The following PALM2AKAP2 variants were observed in gnomAD, a reference collection of about 807,000 sequenced individuals.
PALM2AKAP2 encodes the protein PALM2 and AKAP2 fusion, also known as PALM2-AKAP2 fusion protein.
A neutral mutation model predicts 71.5 loss-of-function variants in PALM2AKAP2; 37 were observed. The observed-to-expected ratio is 0.52, with a 90% confidence interval of 0.40 to 0.68. The LOEUF (loss-of-function observed/expected upper bound fraction) is 0.68, where lower values mean the gene tolerates loss of function less well. PALM2AKAP2 is among the 30% of genes least tolerant of loss of function. The probability of loss-of-function intolerance (pLI) is 0.00; values close to 1 mark genes in which losing one functional copy is unlikely to be tolerated. For missense variants in PALM2AKAP2, 1,224 were observed against 1,191.8 expected (o/e 1.03, Z -0.40); for synonymous variants, 468 against 478.8 (o/e 0.98, Z 0.29).
intron 1 of PALM2AKAP2, among the ~76,000 whole-genome samples, chr9:109,706,797 C>T (rs906630745): frequency 6.6e-6 from 1 of 152,162 alleles, no homozygotes; most frequent in Non-Finnish European, 1.5e-5. Flanking sequence ...ATGAAAGAAG[C>T]AAGTCACAAA....
intron 1 of PALM2AKAP2, among the ~76,000 whole-genome samples, chr9:109,664,892 T>C (rs1400451496): frequency 1.3e-5 from 2 of 152,232 alleles, no homozygotes; most frequent in Admixed American, 1.3e-4. Flanking sequence ...TGTTCCTTTT[T>C]GCTCTTTTTT....
chr9:110,145,778 A>G (rs1265080869), intron 2 of PALM2AKAP2, among the ~76,000 whole-genome samples: 1 of 119,152 alleles, frequency 8.4e-6, no homozygotes, highest in Non-Finnish European at 1.9e-5. Context: ...GAAGGTGTGC[A>G]ATGAAATCAG....
rs560007889 is a variant in PALM2AKAP2, at chr9:109,800,263, G to A, written c.45+19730G>A. On this transcript the variant is annotated intron_variant, in intron 1 of 9. Transcript: ENST00000302798. Reference sequence around the variant, plus strand: ...ATTTTAGGGCCAAAGAACTAATATTGTAAGAGCTTCTGTGATTAGGTACTT... The same window carrying A: ...ATTTTAGGGCCAAAGAACTAATATTATAAGAGCTTCTGTGATTAGGTACTT... 1.5e-3 allele frequency among the ~76,000 whole-genome samples: 228 copies of A among 152,336 alleles called. 1 individual carries two copies. The highest frequency in any genetic ancestry group is 5.0e-3 in the African/African-American group (207 of 41,576).
chr9:110,122,273 T>C (rs1280894627), intron 1 of PALM2AKAP2, among the ~76,000 whole-genome samples: 1 of 152,178 alleles, frequency 6.6e-6, no homozygotes. Flanking sequence ...AGTGATCGAT[T>C]CTCCCGCTTC....
chr9:109,728,944 T>C (rs1044582553), intron 1 of PALM2AKAP2, among the ~76,000 whole-genome samples: 5 of 152,210 alleles, frequency 3.3e-5, no homozygotes, highest in Non-Finnish European at 7.3e-5. Context: ...CTTTTTGACC[T>C]TTGAATAATA....
chr9:109,691,174 TACAC>T (rs56966509), intron 1 of PALM2AKAP2, among the ~76,000 whole-genome samples: 12,049 of 147,514 alleles, frequency 0.082, 1,174 homozygotes, highest in African/African-American at 0.24. Flanking sequence ...CTTTGAATTT[TACAC>T]ACACACACAC....
intron 6 of PALM2AKAP2, among the ~76,000 whole-genome samples, chr9:110,003,676 AG>A (rs1445353598): frequency 1.3e-5 from 2 of 152,172 alleles, no homozygotes; most frequent in Non-Finnish European, 1.5e-5. Flanking sequence ...GTCTCTTTAT[AG>A]GTCTCTAAGG....
intron 2 of PALM2AKAP2, among the ~76,000 whole-genome samples, chr9:109,870,861 A>G (rs974307569): frequency 9.2e-5 from 14 of 152,220 alleles, no homozygotes; most frequent in African/African-American, 3.1e-4. Flanking sequence ...TGAAGTAGAG[A>G]ATATTAGGAA....
At chr9:109,924,965 A>G (rs890076267) in intron 4 of PALM2AKAP2, 96 bp from the exon 5 acceptor site, 2 of 1,573,264 alleles carry the variant, frequency 1.3e-6, no homozygotes, top group Admixed American at 1.7e-5. Flanking sequence ...GGGCTGGGGC[A>G]TGGGAGAAAG....
At position 109,910,193 on chromosome 9, in the gene PALM2AKAP2, G is replaced by T. The variant is rs1409623718; in HGVS notation, c.258-13542G>T. Among the ~76,000 whole-genome samples the T allele has an allele frequency of 5.3e-5, 8 of 152,176 alleles. No homozygotes were observed. In the East Asian group the frequency reaches 1.5e-3, roughly 29 times the overall value. On this transcript the variant is annotated intron_variant, in intron 3 of 9. Transcript: ENST00000302798. ...AAGCGAGGGTCAAGCCAGAGGTGAA[G>T]ACAACATCTAGGTTTCCCTCCTAAG...
At chr9:109,648,373 G>A (rs1025098719) in intron 1 of PALM2AKAP2, among the ~76,000 whole-genome samples, 2 of 152,036 alleles carry the variant, frequency 1.3e-5, no homozygotes, top group Non-Finnish European at 2.9e-5. Context: ...TTCAATCGAC[G>A]GATTCTTTTT....
chr9:110,169,283 T>A (rs1431029561), exon 4 of PALM2AKAP2: 1 of 152,664 alleles, frequency 6.6e-6, no homozygotes, highest in Non-Finnish European at 1.5e-5. Flanking sequence ...GTTATGTTTC[T>A]TCATAGGAAA....
intron 1 of PALM2AKAP2, among the ~76,000 whole-genome samples, chr9:109,676,076 A>G (rs917770603): frequency 2.0e-5 from 3 of 152,194 alleles, no homozygotes; most frequent in African/African-American, 7.2e-5. Flanking sequence ...ATTATAGTCA[A>G]TGGAGTTGGG....
intron 1 of PALM2AKAP2, among the ~76,000 whole-genome samples, chr9:109,819,385 G>A (rs528738771): frequency 3.9e-4 from 59 of 152,294 alleles, no homozygotes; most frequent in Non-Finnish European, 5.4e-4. Context: ...AATTGATTCC[G>A]GAAGGACTTG....
At chr9:109,829,147 G>A (rs759054107) in intron 1 of PALM2AKAP2, among the ~76,000 whole-genome samples, 9 of 152,174 alleles carry the variant, frequency 5.9e-5, no homozygotes, top group Non-Finnish European at 1.3e-4. Context: ...TGAAAATTCT[G>A]TATGTTTGGT....
intron 1 of PALM2AKAP2, among the ~76,000 whole-genome samples, chr9:110,060,840 T>A (rs1210596945): frequency 6.6e-6 from 1 of 152,116 alleles, no homozygotes; most frequent in Admixed American, 6.6e-5. Flanking sequence ...GACCTTGTGA[T>A]CCACCCGCCT....
At chr9:109,675,022 T>C (rs1254350691) in intron 1 of PALM2AKAP2, among the ~76,000 whole-genome samples, 1 of 152,090 alleles carries the variant, frequency 6.6e-6, no homozygotes, top group Non-Finnish European at 1.5e-5. Flanking sequence ...TTATAAAATA[T>C]TCTTTGTGTT....
intron 1 of PALM2AKAP2, among the ~76,000 whole-genome samples, chr9:109,643,654 TC>T (rs1827106766): frequency 1.3e-5 from 2 of 152,118 alleles, no homozygotes; most frequent in African/African-American, 4.8e-5. Flanking sequence ...TTAGCCTCCT[TC>T]TCCCTAATCA....
At chr9:109,995,845 A>G (rs1027548156) in intron 6 of PALM2AKAP2, among the ~76,000 whole-genome samples, 2 of 152,228 alleles carry the variant, frequency 1.3e-5, no homozygotes, top group African/African-American at 4.8e-5. Context: ...ATGGAATGGA[A>G]GACAGATCTG....
Sources: allele counts gnomAD v4.1 joint callset (sites outside exome capture counted in the v4.1 genomes callset), GRCh38; gene constraint gnomAD v4.1.1; transcripts MANE v1.5; gene names NCBI Gene and HGNC (gene_info 2026-07-23, HGNC 2026-07-21).